Variants in LGSN observed in about 807,000 individuals in gnomAD.
The protein encoded by LGSN is lengsin.
A neutral mutation model predicts 19.5 loss-of-function variants in LGSN; 21 were observed. That is an observed-to-expected ratio of 1.07 (90% CI 0.76 to 1.55). LGSN has a LOEUF of 1.55. LGSN is among the 40% of genes most tolerant of loss of function. LGSN has a pLI of 0.00. For missense variants in LGSN, 673 were observed against 608.5 expected (o/e 1.11, Z -1.12); for synonymous variants, 257 against 215.6 (o/e 1.19, Z -1.68).
intron 1 of LGSN, among the ~76,000 whole-genome samples, chr6:63,303,356 G>A (rs1768262539): frequency 6.6e-6 from 1 of 152,174 alleles, no homozygotes; most frequent in Non-Finnish European, 1.5e-5. Context: ...ATCAAGAAAT[G>A]TGTTTCTCTC....
chr6:63,412,567 A>AAAGAAAGAAAGAAAGG, the LGSN span, among the ~76,000 whole-genome samples: 200 of 121,526 alleles, frequency 1.6e-3, 2 homozygotes, highest in Admixed American at 2.5e-3. Context: ...AGAAAGAAAG[A>AAAGAAAGAAAGAAAGG]AAGGAAGGAA....
At chr6:63,449,607 A>G in the LGSN span, among the ~76,000 whole-genome samples, 1 of 152,106 alleles carries the variant, frequency 6.6e-6, no homozygotes, top group Non-Finnish European at 1.5e-5. Flanking sequence ...CAAAATGGCA[A>G]TTGTTCAAAA....
At chr6:63,358,470 A>G in the LGSN span, among the ~76,000 whole-genome samples, 1 of 152,092 alleles carries the variant, frequency 6.6e-6, no homozygotes, top group Non-Finnish European at 1.5e-5. Context: ...ATGAGCATGG[A>G]ATGTTCTTCC....
At chr6:63,347,215 A>C in the LGSN span, among the ~76,000 whole-genome samples, 1 of 152,164 alleles carries the variant, frequency 6.6e-6, no homozygotes, top group Admixed American at 6.5e-5. Flanking sequence ...GAGAGGGAAA[A>C]ACAATTCATG....
chr6:63,362,896 TC>T, the LGSN span, among the ~76,000 whole-genome samples: 2 of 152,182 alleles, frequency 1.3e-5, no homozygotes, highest in African/African-American at 2.4e-5. Flanking sequence ...ACAGACTGCC[TC>T]CTCAAGTGGG....
chr6:63,476,644 G>A, the LGSN span, among the ~76,000 whole-genome samples: 1 of 152,144 alleles, frequency 6.6e-6, no homozygotes, highest in Non-Finnish European at 1.5e-5. Context: ...CTCAGCAGCT[G>A]CTAGACTCCA....
At chr6:63,329,960 G>A in the LGSN span, among the ~76,000 whole-genome samples, 141 of 151,624 alleles carry the variant, frequency 9.3e-4, no homozygotes, top group East Asian at 5.8e-4. Flanking sequence ...TGAGAAGGCC[G>A]CGCTAGTGTC....
chr6:63,337,551 C>G, the LGSN span, among the ~76,000 whole-genome samples: 1 of 151,812 alleles, frequency 6.6e-6, no homozygotes, highest in Admixed American at 6.6e-5. Context: ...ACCTGTAATC[C>G]AGCACTTTAG....
chr6:63,472,641 A>T, the LGSN span, among the ~76,000 whole-genome samples: 1 of 152,112 alleles, frequency 6.6e-6, no homozygotes, highest in Admixed American at 6.5e-5. Context: ...CCCCTCCTTA[A>T]AAATTATGCC....
the LGSN span, among the ~76,000 whole-genome samples, chr6:63,329,526 C>A: frequency 6.6e-6 from 1 of 152,192 alleles, no homozygotes; most frequent in African/African-American, 2.4e-5. Context: ...AAGCCTTGAG[C>A]CTTCAAATGT....
the LGSN span, among the ~76,000 whole-genome samples, chr6:63,385,482 T>C: frequency 6.6e-6 from 1 of 152,220 alleles, no homozygotes; most frequent in African/African-American, 2.4e-5. Flanking sequence ...ATCCTATTGA[T>C]ACAATCAATT....
the LGSN span, among the ~76,000 whole-genome samples, chr6:63,388,845 AG>A: frequency 1.3e-5 from 2 of 152,368 alleles, no homozygotes; most frequent in African/African-American, 2.4e-5. Flanking sequence ...ATAGACAAAA[AG>A]GCCATCAGAG....
the LGSN span, among the ~76,000 whole-genome samples, chr6:63,411,282 T>A: frequency 6.6e-6 from 1 of 152,194 alleles, no homozygotes; most frequent in Non-Finnish European, 1.5e-5. Context: ...TCCCAGTTAC[T>A]TTCAGTTTTC....
the LGSN span, among the ~76,000 whole-genome samples, chr6:63,370,276 G>A: frequency 6.6e-6 from 1 of 152,174 alleles, no homozygotes. Context: ...CCAGGTACAG[G>A]TATAGAAGCT....
the LGSN span, among the ~76,000 whole-genome samples, chr6:63,402,296 T>C: frequency 6.6e-6 from 1 of 152,166 alleles, no homozygotes; most frequent in African/African-American, 2.4e-5. Flanking sequence ...GGAGAAAATA[T>C]GTGGGTTCAT....
the LGSN span, among the ~76,000 whole-genome samples, chr6:63,546,660 CGT>C: frequency 6.6e-6 from 1 of 151,638 alleles, no homozygotes; most frequent in African/African-American, 2.4e-5. Context: ...GAGCTGAGAT[CGT>C]GCCATTGTAC....
the LGSN span, among the ~76,000 whole-genome samples, chr6:63,537,535 C>T: frequency 1.3e-4 from 20 of 152,188 alleles, no homozygotes; most frequent in African/African-American, 4.8e-4. Context: ...TACCTTTTCA[C>T]CCCAGAGAAA....
intron 2 of LGSN, among the ~76,000 whole-genome samples, chr6:63,294,586 T>C (rs1444721677): frequency 1.3e-5 from 2 of 151,940 alleles, no homozygotes; most frequent in Admixed American, 1.3e-4. Flanking sequence ...GCCCCTCAAA[T>C]CCTCTGTAAT....
At chr6:63,307,814 G>T (rs972028857) in intron 1 of LGSN, among the ~76,000 whole-genome samples, 2 of 152,094 alleles carry the variant, frequency 1.3e-5, no homozygotes, top group African/African-American at 4.8e-5. Context: ...ACTTTCATTG[G>T]GTCAGGCACT....
Sources: allele counts gnomAD v4.1 joint callset (sites outside exome capture counted in the v4.1 genomes callset), GRCh38; gene constraint gnomAD v4.1.1; transcripts MANE v1.5; gene names NCBI Gene and HGNC (gene_info 2026-07-23, HGNC 2026-07-21).